Variants in DTX4 observed in about 807,000 individuals in gnomAD.
DTX4 encodes E3 ubiquitin-protein ligase DTX4.
DTX4 carries 28 observed loss-of-function variants against 57.6 expected under a neutral mutation model. That is an observed-to-expected ratio of 0.49 (90% CI 0.36 to 0.67). DTX4 has a LOEUF of 0.67. Among genes scored for constraint, DTX4 ranks in the 30% least tolerant of loss-of-function variants. The pLI is 0.00. For synonymous variants in DTX4, 316 were observed against 331.0 expected, an observed-to-expected ratio of 0.95 and a Z score of 0.49; for missense variants, 715 against 836.8, an observed-to-expected ratio of 0.85 and a Z score of 1.80.
rs764262132 is a variant in DTX4, at chr11:59,172,593, G to T, written c.-3G>T. 2 of 1,478,846 alleles carry T rather than the reference G, an allele frequency of 1.4e-6. No homozygotes were observed. Among genetic ancestry groups the T allele is most frequent in the Non-Finnish European group, 1.8e-6 (2 of 1,120,088 alleles). The allele number at this position is 1,478,846 out of a possible 1,614,324, so 91.6% of individuals were successfully genotyped here. On this transcript the variant is annotated 5_prime_UTR_variant, in exon 1 of 9. Transcript: ENST00000227451. ...CGCGCAGCGCCGCAGCCCCGGGCTC[G>T]CCATGCTCCTGGCCTCGGCCGTGGT...
At chr11:59,189,408 G>A in intron 4 of DTX4, 85 bp downstream of exon 4, 1 of 1,352,502 alleles carries the variant, frequency 7.4e-7, no homozygotes, top group East Asian at 2.5e-5. Flanking sequence ...AAGGGTCATA[G>A]CCACGGCTTC....
At position 59,206,671 on chromosome 11, in the gene DTX4, C is replaced by T. The variant is rs1188784520; in HGVS notation, c.*1762C>T. 2 of 152,572 alleles carry T rather than the reference C, an allele frequency of 1.3e-5. No homozygotes were observed. The highest frequency in any genetic ancestry group is 2.9e-5 in the Non-Finnish European group (2 of 68,020). The allele number at this position is 152,572 out of a possible 1,614,324, so 9.5% of individuals were successfully genotyped here. On this transcript the variant is annotated 3_prime_UTR_variant, in exon 9 of 9. Coordinates refer to ENST00000227451, the MANE Select transcript of DTX4 (RefSeq NM_015177.2). The stretch of plus-strand genomic sequence containing the variant: ...CCCATAGCTGCTTGCTGTTAGGCCT[C>T]CAGCCATTTTGACATTGGGGTGGAT...
chr11:59,181,713 A>T, intron 1 of DTX4, 26 bp from the exon 2 acceptor site: 1 of 1,567,558 alleles, frequency 6.4e-7, no homozygotes, highest in Non-Finnish European at 8.7e-7. Flanking sequence ...GCTGACTCTG[A>T]CCTCTCCCCT....
rs1415723064 is a variant in DTX4, at chr11:59,204,887, G to A, written c.1838G>A (p.Ser613Asn). 2 of 1,587,794 alleles carry A rather than the reference G, an allele frequency of 1.3e-6. No homozygotes were observed. The highest frequency in any genetic ancestry group is 4.6e-5 in the East Asian group (2 of 43,522). The change falls in exon 9 of 9, where the codon AGC becomes AAC. Residue 613 changes from serine to asparagine, a missense_variant. Ser to Asn is a conservative substitution (Grantham distance 46, BLOSUM62 1). Transcript: ENST00000227451. ...ELAAQGISED[S>N]TAQEKD ...GCTGCCCAGGGCATCTCTGAGGACA[G>A]CACTGCCCAGGAGAAGGACTGAGGC...
intron 1 of DTX4, among the ~76,000 whole-genome samples, chr11:59,180,477 C>G (rs1449216553): frequency 1.3e-5 from 2 of 152,190 alleles, no homozygotes; most frequent in African/African-American, 4.8e-5. Flanking sequence ...TTCTTCCCCC[C>G]TTGAATGGGA....
chr11:59,207,656 T>C lies in DTX4; in HGVS notation c.*2747T>C, dbSNP rs1009779911. ...CAGAGTGTTTTCCCACTAGAAGCTC[T>C]GCTCTGCTCTCCTGGCCCAAGTAGG... On this transcript the variant is annotated 3_prime_UTR_variant, in exon 9 of 9. Coordinates refer to ENST00000227451, the MANE Select transcript of DTX4 (RefSeq NM_015177.2). 6.5e-6 allele frequency: 1 copy of C among 152,800 alleles called. No individual in the cohort carries two copies. The highest frequency in any genetic ancestry group is 2.4e-5 in the African/African-American group (1 of 41,474). 9.5% of individuals were successfully genotyped at this position (152,800 alleles called of 1,614,324 possible). A position where few individuals can be genotyped will look rare whatever the true frequency, so the allele number is the denominator to read the frequency against.
chr11:59,188,079 G>C (rs1280759833), intron 2 of DTX4, among the ~76,000 whole-genome samples: 2 of 152,126 alleles, frequency 1.3e-5, no homozygotes, highest in Admixed American at 6.5e-5. Flanking sequence ...GTTTGAACTT[G>C]CTTCTTTGTT....
At chr11:59,184,312 G>A (rs919670898) in intron 2 of DTX4, among the ~76,000 whole-genome samples, 5 of 152,232 alleles carry the variant, frequency 3.3e-5, no homozygotes, top group African/African-American at 7.2e-5. Context: ...GTGCCTTGCT[G>A]TGTCAGTTGG....
Position 59,181,886 on chromosome 11 carries a change from A to C in DTX4, c.359A>C (p.Gln120Pro), listed in dbSNP as rs1385791464. 1 of 1,614,044 alleles carries C rather than the reference A, an allele frequency of 6.2e-7. No individual in the cohort carries two copies. Among genetic ancestry groups the C allele is most frequent in the Non-Finnish European group, 8.5e-7 (1 of 1,179,892 alleles). The part of the protein sequence containing the change: ...GITIQHAYEK[Q>P]HPWIDLTSIG... ...ACCATCCAGCATGCCTATGAGAAGC[A>C]GCACCCCTGGATCGACCTCACTTCC... Residue 120 changes from glutamine to proline, a missense_variant, in exon 2 of 9, where the codon CAG (glutamine) becomes CCG (proline). Gln to Pro is a moderately conservative substitution (Grantham distance 76). Coordinates refer to ENST00000227451, the MANE Select transcript of DTX4 (RefSeq NM_015177.2).
At chr11:59,174,355 G>C (rs993452821) in intron 1 of DTX4, among the ~76,000 whole-genome samples, 6 of 151,834 alleles carry the variant, frequency 4.0e-5, no homozygotes, top group African/African-American at 1.5e-4. Flanking sequence ...GCGCAACTTG[G>C]GTAAAGGTTG....
intron 7 of DTX4, among the ~76,000 whole-genome samples, chr11:59,195,793 G>A (rs1000341302): frequency 6.6e-6 from 1 of 152,220 alleles, no homozygotes; most frequent in African/African-American, 2.4e-5. Context: ...TGGGCATATG[G>A]ATTGTTGCCA....
Position 59,182,096 on chromosome 11 carries a change from C to T in DTX4, c.569C>T (p.Ser190Phe), listed in dbSNP as rs770051308. 14 of 1,613,192 alleles carry T rather than the reference C, an allele frequency of 8.7e-6. No homozygotes were observed. The South Asian group carries it at 1.1e-4, about 13-fold the overall frequency. Residue 190 changes from serine to phenylalanine, a missense_variant, in exon 2 of 9, where the codon TCC becomes TTC. Ser to Phe is a radical substitution (Grantham distance 155, BLOSUM62 -2). Transcript: ENST00000227451. ...ACCTCGCCCCCCATGTCCCCCTGCT[C>T]CTGTCCCCAGTGTGTCTTGGTGATG... is the stretch of plus-strand genomic sequence containing the variant. ...PATSPPMSPC[S>F]CPQCVLVMSV...
intron 4 of DTX4, among the ~76,000 whole-genome samples, chr11:59,189,767 A>G (rs556572706): frequency 2.6e-5 from 4 of 152,312 alleles, no homozygotes; most frequent in Non-Finnish European, 4.4e-5. Context: ...GAATGCATCC[A>G]TGACAGTTAG....
rs1862842499 is a variant in DTX4, at chr11:59,208,334, C to T, written c.*3425C>T. ...AAAAACAAATTTTCCACATATTACC[C>T]ACCCACACATTTGACCTGGCTAGAC... On this transcript the variant is annotated 3_prime_UTR_variant, in exon 9 of 9. Coordinates refer to ENST00000227451, the MANE Select transcript of DTX4 (RefSeq NM_015177.2). 7.3e-6 allele frequency: 1 copy of T among 136,962 alleles called. No homozygotes were observed. The highest frequency in any genetic ancestry group is 7.3e-5 in the Admixed American group (1 of 13,724). 8.5% of individuals were successfully genotyped at this position (136,962 alleles called of 1,614,324 possible).
Position 59,182,489 on chromosome 11 carries a change from G to T in DTX4, c.935+27G>T, listed in dbSNP as rs775244664. On this transcript the variant is annotated intron_variant, in intron 2 of 8. Transcript: ENST00000227451. ...TAAGTGCTTCCACAGCTGCCTCAGAGCATTTACTCAGGGTAGAGATAGGCT... is the reference window on the plus strand; with the variant it reads ...TAAGTGCTTCCACAGCTGCCTCAGATCATTTACTCAGGGTAGAGATAGGCT... 4 of 1,565,048 alleles carry T rather than the reference G, an allele frequency of 2.6e-6. No individual in the cohort carries two copies. The African/African-American group carries it at 4.1e-5, about 16-fold the overall frequency.
intron 1 of DTX4, 28 bp downstream of exon 1, chr11:59,172,834 C>T: frequency 6.7e-7 from 1 of 1,488,838 alleles, no homozygotes; most frequent in Non-Finnish European, 9.0e-7. Flanking sequence ...GACCCCGCCC[C>T]GCCTGCTCCC....
intron 2 of DTX4, among the ~76,000 whole-genome samples, chr11:59,184,627 T>TG (rs1862505948): frequency 6.6e-6 from 1 of 152,228 alleles, no homozygotes; most frequent in African/African-American, 2.4e-5. Context: ...GGCACCCAGG[T>TG]GGCTTTGAAT....
At chr11:59,190,934 A>G (rs1862589726) in intron 4 of DTX4, among the ~76,000 whole-genome samples, 180 bp from the exon 5 acceptor site, 1 of 152,202 alleles carries the variant, frequency 6.6e-6, no homozygotes, top group Non-Finnish European at 1.5e-5. Flanking sequence ...AAACCATCTC[A>G]CTAGCTTTTC....
rs1590981455 is a variant in DTX4 at position 59,182,561 on chromosome 11, T to G, written c.935+99T>G. On this transcript the variant is annotated intron_variant, in intron 2 of 8. Coordinates refer to ENST00000227451, the MANE Select transcript of DTX4 (RefSeq NM_015177.2). ...AAGGAGGGGCTGCCAAGACTTAAGC[T>G]TCTCATCTTGTGCTGACCCCTGGCT... 3.5e-6 allele frequency: 5 copies of G among 1,417,996 alleles called. No individual in the cohort carries two copies. The East Asian group carries it at 7.5e-5, about 21-fold the overall frequency. 87.8% of individuals were successfully genotyped at this position (1,417,996 alleles called of 1,614,324 possible).
Sources: allele counts gnomAD v4.1 joint callset (sites outside exome capture counted in the v4.1 genomes callset), GRCh38; gene constraint gnomAD v4.1.1; transcripts MANE v1.5; gene names NCBI Gene and HGNC (gene_info 2026-07-23, HGNC 2026-07-21).